The following CAMLG variants were observed in gnomAD, a reference collection of about 807,000 sequenced individuals.
CAMLG encodes the protein guided entry of tail-anchored proteins factor CAMLG.
CAMLG carries 23 observed loss-of-function variants against 28.9 expected under a neutral mutation model. The ratio of observed to expected loss-of-function variants is 0.80; its 90% CI spans 0.57 to 1.13. The LOEUF is 1.13. Among genes scored for constraint, CAMLG ranks in the 50% most tolerant of loss-of-function variants. The pLI is 0.00. For synonymous variants in CAMLG, 141 were observed against 146.5 expected (o/e 0.96, Z 0.27); for missense variants, 367 against 371.9 (o/e 0.99, Z 0.11).
At chr5:134,744,678 A>T (rs958436832) in intron 3 of CAMLG, among the ~76,000 whole-genome samples, 48 of 152,210 alleles carry the variant, frequency 3.2e-4, no homozygotes, top group African/African-American at 1.2e-3. Flanking sequence ...TATTAAATTT[A>T]ATTAGTAAAT....
chr5:134,746,332 TAAAC>T (rs1208691046), intron 3 of CAMLG, among the ~76,000 whole-genome samples: 1 of 152,106 alleles, frequency 6.6e-6, no homozygotes, highest in Non-Finnish European at 1.5e-5. Flanking sequence ...TATATATGCA[TAAAC>T]AAACTGAAAG....
At chr5:134,744,145 C>T (rs536986009) in intron 3 of CAMLG, 93 bp downstream of exon 3, 8 of 650,444 alleles carry the variant, frequency 1.2e-5, no homozygotes, top group South Asian at 5.3e-5. Context: ...GTCCTGCTTA[C>T]GGTCTGAATC....
chr5:134,750,537 C>CA (rs750026162), intron 3 of CAMLG, among the ~76,000 whole-genome samples: 2,258 of 122,204 alleles, frequency 0.018, 20 homozygotes, highest in Middle Eastern at 0.033. Flanking sequence ...GACTCCATCT[C>CA]AAAAAAAAAA....
chr5:134,739,078 C>T (rs1283374296), intron 1 of CAMLG, among the ~76,000 whole-genome samples: 1 of 148,130 alleles, frequency 6.8e-6, no homozygotes, highest in African/African-American at 2.6e-5. Flanking sequence ...CCCCTTTTTT[C>T]CTTAGCCACT....
intron 3 of CAMLG, among the ~76,000 whole-genome samples, chr5:134,749,136 C>T (rs1053433419): frequency 2.0e-5 from 3 of 151,040 alleles, no homozygotes; most frequent in Admixed American, 1.3e-4. Context: ...GGCACGATCT[C>T]GGCTCACTGC....
Position 134,750,922 on chromosome 5 carries a change from T to C in CAMLG, c.863T>C (p.Leu288Pro). 6.2e-7 allele frequency: 1 copy of C among 1,613,888 alleles called. No individual in the cohort carries two copies. The highest frequency in any genetic ancestry group is 8.5e-7 in the Non-Finnish European group (1 of 1,179,914). ...ACTTTTATCTTTTGTCATGAACTGC[T>C]TGATTATTGGGGCTCTGAAGTACCA... ...FFTFIFCHEL[L>P]DYWGSEVP Residue 288 changes from leucine (L) to proline (P), a missense_variant, in exon 4 of 4, where the codon CTT becomes CCT. Leu to Pro is a moderately conservative substitution (Grantham distance 98, BLOSUM62 -3). Coordinates refer to ENST00000297156, the MANE Select transcript of CAMLG (RefSeq NM_001745.4).
chr5:134,748,840 G>A (rs560280936), intron 3 of CAMLG, among the ~76,000 whole-genome samples: 1 of 151,950 alleles, frequency 6.6e-6, no homozygotes, highest in Non-Finnish European at 1.5e-5. Context: ...TCTTTATTCC[G>A]CATGATATTT....
At chr5:134,744,889 A>G (rs909340467) in intron 3 of CAMLG, among the ~76,000 whole-genome samples, 2 of 152,178 alleles carry the variant, frequency 1.3e-5, no homozygotes, top group African/African-American at 2.4e-5. Context: ...ACTTGACTAC[A>G]GATATATACA....
At chr5:134,740,654 G>C (rs1734378896) in intron 1 of CAMLG, among the ~76,000 whole-genome samples, 2 of 152,140 alleles carry the variant, frequency 1.3e-5, no homozygotes, top group Admixed American at 1.3e-4. Flanking sequence ...TGCAGATGGA[G>C]TGTAGTGGCG....
chr5:134,744,262 G>A (rs1007494949), intron 3 of CAMLG, among the ~76,000 whole-genome samples: 2 of 152,058 alleles, frequency 1.3e-5, no homozygotes, highest in African/African-American at 2.4e-5. Context: ...AGTGGCTCAC[G>A]CCTGTAATCC....
At chr5:134,745,125 A>G (rs950521767) in intron 3 of CAMLG, among the ~76,000 whole-genome samples, 4 of 152,252 alleles carry the variant, frequency 2.6e-5, no homozygotes, top group Non-Finnish European at 5.9e-5. Context: ...TGTAATTTTA[A>G]TTAAGCATTT....
chr5:134,739,075 T>C lies in CAMLG; in HGVS notation c.172+283T>C, dbSNP rs375146713. ...CCCAGTTACGTTGAACAGCCCCTTT[T>C]TTCCTTAGCCACTCCTCGCCTTTCT... On this transcript the variant is annotated intron_variant, in intron 1 of 3. Coordinates refer to ENST00000297156, the MANE Select transcript of CAMLG (RefSeq NM_001745.4). 4.6e-5 allele frequency among the ~76,000 whole-genome samples: 7 copies of C among 152,018 alleles called. No homozygotes were observed. The East Asian group carries it at 1.2e-3, about 25-fold the overall frequency.
At chr5:134,746,322 T>A (rs1487246791) in intron 3 of CAMLG, among the ~76,000 whole-genome samples, 3 of 152,112 alleles carry the variant, frequency 2.0e-5, no homozygotes, top group Non-Finnish European at 4.4e-5. Flanking sequence ...TGATTTTGCT[T>A]ATATATGCAT....
chr5:134,742,125 A>G (rs1752993123), intron 2 of CAMLG, among the ~76,000 whole-genome samples: 1 of 152,216 alleles, frequency 6.6e-6, no homozygotes, highest in African/African-American at 2.4e-5. Context: ...GTGCCGTTTT[A>G]CATAAGGGAC....
intron 3 of CAMLG, among the ~76,000 whole-genome samples, chr5:134,749,181 C>T (rs1753084948): frequency 2.0e-5 from 3 of 151,904 alleles, no homozygotes. Context: ...AATTCTCCTG[C>T]CTCAGGCTCC....
intron 3 of CAMLG, among the ~76,000 whole-genome samples, chr5:134,748,897 T>C (rs1753081086): frequency 6.6e-6 from 1 of 152,172 alleles, no homozygotes; most frequent in Non-Finnish European, 1.5e-5. Context: ...TAATTCCTTT[T>C]TTTTTCTTGG....
rs372065125 is a variant in CAMLG at position 134,738,551 on chromosome 5, T to C, written c.-70T>C. ...GACGCGCGCCCTGCGGCCCGGCCTC[T>C]AGTCATCGCCCTCGCAGCGGCGGCC... On this transcript the variant is annotated 5_prime_UTR_variant, in exon 1 of 4. Coordinates refer to ENST00000297156, the MANE Select transcript of CAMLG (RefSeq NM_001745.4). 1.7e-4 allele frequency: 221 copies of C among 1,338,878 alleles called. No individual in the cohort carries two copies. Among genetic ancestry groups the C allele is most frequent in the Non-Finnish European group, 2.0e-4 (197 of 988,420 alleles). The allele number at this position is 1,338,878 out of a possible 1,614,324, so 82.9% of individuals were successfully genotyped here.
At chr5:134,741,029 TAA>T (rs1211613090) in intron 1 of CAMLG, 32 bp from the exon 2 acceptor site, 1 of 1,475,382 alleles carries the variant, frequency 6.8e-7, no homozygotes, top group Non-Finnish European at 9.5e-7. Flanking sequence ...CAGTATGGAA[TAA>T]ATACATAAGG....
intron 1 of CAMLG, among the ~76,000 whole-genome samples, chr5:134,740,633 C>T (rs112668693): frequency 0.018 from 2,728 of 152,130 alleles, 79 homozygotes; most frequent in African/African-American, 0.061. Context: ...CTCACTCTGT[C>T]GCCAGGCAGA....
Sources: gnomAD v4.1 joint callset for allele counts (sites outside exome capture counted in the v4.1 genomes callset) on GRCh38, gnomAD v4.1.1 for gene constraint, MANE v1.5 for transcripts, NCBI Gene and HGNC (gene_info 2026-07-23, HGNC 2026-07-21) for gene names.